Variants in HHIPL1 observed in about 807,000 individuals in gnomAD.
HHIPL1 encodes HHIP-like protein 1.
A neutral mutation model predicts 61.8 loss-of-function variants in HHIPL1; 43 were observed. That is an observed-to-expected ratio of 0.70 (90% CI 0.55 to 0.90). The LOEUF is 0.90. HHIPL1 is among the 40% of genes least tolerant of loss of function. The pLI is 0.00. For missense variants in HHIPL1, 1,056 were observed against 1,157.7 expected (o/e 0.91, Z 1.28); for synonymous variants, 482 against 515.8 (o/e 0.93, Z 0.89).
chr14:99,668,149 G>C lies in HHIPL1; in HGVS notation c.1649-73G>C. 1 of 888,270 alleles carries C rather than the reference G, an allele frequency of 1.1e-6. No individual in the cohort carries two copies. Among genetic ancestry groups the C allele is most frequent in the Admixed American group, 1.7e-5 (1 of 58,876 alleles). 55.0% of individuals were successfully genotyped at this position (888,270 alleles called of 1,614,324 possible). The stretch of plus-strand genomic sequence containing the variant: ...TCTATTTCCAAGCCTGCAGGGAGCC[G>C]GGTGGTGAGGCGGGGCTGGCTGGGA... On this transcript the variant is annotated intron_variant, in intron 6 of 8. Coordinates refer to ENST00000330710, the MANE Select transcript of HHIPL1 (RefSeq NM_001127258.3). This position sits in a 1 kb window ranked among gnomAD's most constrained non-coding sequence, Gnocchi z 4.7.
chr14:99,657,724 CACAT>C (rs2056071985), intron 3 of HHIPL1, among the ~76,000 whole-genome samples: 2 of 151,652 alleles, frequency 1.3e-5, no homozygotes, highest in South Asian at 4.1e-4. Context: ...CACATGTACA[CACAT>C]ATATACACAC....
At chr14:99,634,241 G>A in the HHIPL1 span, among the ~76,000 whole-genome samples, 1 of 152,166 alleles carries the variant, frequency 6.6e-6, no homozygotes, top group Non-Finnish European at 1.5e-5. Flanking sequence ...TTGAGGCTGG[G>A]GCTGGAGATG....
the HHIPL1 span, among the ~76,000 whole-genome samples, chr14:99,609,183 C>T: frequency 0.63 from 95,176 of 152,030 alleles, 33,736 homozygotes; most frequent in South Asian, 0.86. Context: ...CACTGCATGT[C>T]ATTAGCTCAG....
intron 1 of HHIPL1, among the ~76,000 whole-genome samples, chr14:99,649,565 AG>A (rs575526982): frequency 1.3e-5 from 2 of 152,256 alleles, no homozygotes; most frequent in South Asian, 4.1e-4. Flanking sequence ...CCAAGGCGGG[AG>A]GATTGCTTGA....
Position 99,660,134 on chromosome 14 carries a change from C to T in HHIPL1, c.1376-146C>T. On this transcript the variant is annotated intron_variant, in intron 4 of 8. Coordinates refer to ENST00000330710, the MANE Select transcript of HHIPL1 (RefSeq NM_001127258.3). The surrounding 1 kb of genome is among the most constrained non-coding windows in gnomAD (Gnocchi z 4.9). Reference sequence around the variant, plus strand: ...GCAGACACGCTTTCCACCACGCCAGCCCTGCTGTGGGCACGCCAGCCCTGC... The same window carrying T: ...GCAGACACGCTTTCCACCACGCCAGTCCTGCTGTGGGCACGCCAGCCCTGC... 1.4e-6 allele frequency: 1 copy of T among 706,622 alleles called. No homozygotes were observed. Among genetic ancestry groups the T allele is most frequent in the Non-Finnish European group, 2.0e-6 (1 of 491,362 alleles). The allele number at this position is 706,622 out of a possible 1,614,324, so 43.8% of individuals were successfully genotyped here.
chr14:99,657,936 TACAC>T (rs1365437868), intron 3 of HHIPL1, among the ~76,000 whole-genome samples: 2 of 151,938 alleles, frequency 1.3e-5, no homozygotes, highest in South Asian at 2.1e-4. Context: ...TACATACACA[TACAC>T]ACATCTACAT....
rs143772748 is a variant in HHIPL1, at chr14:99,664,311, A to G, written c.1648+1290A>G. ...GAACCGTCAGAATCTGAATTTCCAA[A>G]AAGGCAGCCCCCAGCCCCCACAGCC... On this transcript the variant is annotated intron_variant, in intron 6 of 8. Transcript: ENST00000330710. Among the ~76,000 whole-genome samples, 664 of 152,290 alleles carry G rather than the reference A, an allele frequency of 4.4e-3. 3 individuals carry two copies. The highest frequency in any genetic ancestry group is 0.015 in the South Asian group (73 of 4,822).
Position 99,675,352 on chromosome 14 carries a change from T to C in HHIPL1, c.2075T>C (p.Val692Ala), listed in dbSNP as rs7158073. ...SSGSGRVEVF[V>A]GGRWGTVCDD... is the part of the protein sequence containing the mutation. ...GGCAGCGGGCGCGTGGAGGTGTTCGTGGGCGGACGCTGGGGCACCGTGTGC... is the reference window on the plus strand; with the variant it reads ...GGCAGCGGGCGCGTGGAGGTGTTCGCGGGCGGACGCTGGGGCACCGTGTGC... Residue 692 changes from valine to alanine, a missense_variant, in exon 9 of 9, where the codon GTG (valine) becomes GCG (alanine). By Grantham distance (64) the Val-to-Ala change is moderately conservative (BLOSUM62 0). Coordinates refer to ENST00000330710, the MANE Select transcript of HHIPL1 (RefSeq NM_001127258.3). This position sits in a 1 kb window ranked among gnomAD's most constrained non-coding sequence, Gnocchi z 5.4. 829,458 of 1,477,022 alleles carry C rather than the reference T, an allele frequency of 0.56. 234,718 individuals are homozygous for C. The highest frequency in any genetic ancestry group is 0.6 in the East Asian group (22,120 of 37,068). The allele number at this position is 1,477,022 out of a possible 1,614,324, so 91.5% of individuals were successfully genotyped here.
At chr14:99,620,776 G>C in the HHIPL1 span, among the ~76,000 whole-genome samples, 15 of 152,354 alleles carry the variant, frequency 9.8e-5, no homozygotes, top group Admixed American at 3.3e-4. Flanking sequence ...CAGAACGTAG[G>C]GGGGCCAGGC....
intron 7 of HHIPL1, 26 bp from the exon 8 acceptor site, chr14:99,672,291 C>T: frequency 1.9e-6 from 3 of 1,548,394 alleles, no homozygotes; most frequent in Non-Finnish European, 2.6e-6. Context: ...GGGTGAGACT[C>T]ATAACCTCCT....
chr14:99,656,161 A>G (rs926120367), intron 2 of HHIPL1, among the ~76,000 whole-genome samples: 6 of 152,238 alleles, frequency 3.9e-5, no homozygotes, highest in Non-Finnish European at 8.8e-5. Context: ...TGAGCTCAAC[A>G]TAAGTAACTA....
intron 2 of HHIPL1, among the ~76,000 whole-genome samples, chr14:99,653,152 A>G (rs1350206943): frequency 6.6e-6 from 1 of 152,144 alleles, no homozygotes; most frequent in African/African-American, 2.4e-5. Context: ...TGATTCTCCT[A>G]AAACCCACTG....
At chr14:99,607,216 C>A in the HHIPL1 span, among the ~76,000 whole-genome samples, 3 of 151,422 alleles carry the variant, frequency 2.0e-5, no homozygotes, top group African/African-American at 7.3e-5. Flanking sequence ...TTTCTTTTTT[C>A]CCCCATAGAG....
At chr14:99,651,613 G>A (rs1018698777) in intron 1 of HHIPL1, among the ~76,000 whole-genome samples, 5 of 152,006 alleles carry the variant, frequency 3.3e-5, no homozygotes, top group Admixed American at 6.5e-5. Context: ...CCAACACTGG[G>A]GGTTACAATT....
chr14:99,642,527 AT>A (rs145210743), upstream of HHIPL1, among the ~76,000 whole-genome samples: 54,490 of 144,714 alleles, frequency 0.38, 10,515 homozygotes, highest in Middle Eastern at 0.53. Context: ...ATATCTTTTA[AT>A]TTTTTTTTTT....
At chr14:99,638,795 C>T in the HHIPL1 span, among the ~76,000 whole-genome samples, 1 of 152,212 alleles carries the variant, frequency 6.6e-6, no homozygotes, top group African/African-American at 2.4e-5. Flanking sequence ...TCCGAAGCTG[C>T]ATTTCCATTA....
chr14:99,644,565 G>A (rs1208834175), upstream of HHIPL1, among the ~76,000 whole-genome samples: 1 of 152,142 alleles, frequency 6.6e-6, no homozygotes, highest in African/African-American at 2.4e-5. Context: ...CTCCCTATGC[G>A]AGAGTGGAAG....
chr14:99,671,383 C>T (rs961229562), intron 7 of HHIPL1, among the ~76,000 whole-genome samples: 2 of 152,188 alleles, frequency 1.3e-5, no homozygotes, highest in African/African-American at 4.8e-5. Flanking sequence ...AAGAAAAAAA[C>T]CTCGCTTTTC....
intron 1 of HHIPL1, 137 bp from the exon 2 acceptor site, chr14:99,652,087 G>C: frequency 4.1e-6 from 3 of 740,556 alleles, no homozygotes; most frequent in Non-Finnish European, 6.6e-6. Flanking sequence ...GGCTTATCGT[G>C]GTAACAGGCA....
Sources: allele counts gnomAD v4.1 joint callset (sites outside exome capture counted in the v4.1 genomes callset), GRCh38; gene constraint gnomAD v4.1.1; non-coding constraint Gnocchi (gnomAD v3.1); transcripts MANE v1.5; gene names NCBI Gene and HGNC (gene_info 2026-07-23, HGNC 2026-07-21).